STRADB: variants seen among roughly 807,000 people sequenced by gnomAD.
The protein encoded by STRADB is STE20-related kinase adapter protein beta.
In STRADB, 34 loss-of-function variants were observed where a neutral mutation model predicts 52.1. The observed-to-expected ratio is 0.65, with a 90% CI of 0.50 to 0.87. The LOEUF (loss-of-function observed/expected upper bound fraction) is 0.87, where lower values mean the gene tolerates loss of function less well. Ranked by LOEUF, STRADB falls within the 40% of genes least tolerant of loss-of-function variation. The pLI is 0.00. For synonymous variants in STRADB, 133 were observed against 174.5 expected (o/e 0.76, Z 1.87); for missense variants, 340 against 483.9 (o/e 0.70, Z 2.79).
At chr2:201,459,276 A>G (rs1952176055) in intron 3 of STRADB, among the ~76,000 whole-genome samples, 1 of 152,166 alleles carries the variant, frequency 6.6e-6, no homozygotes, top group African/African-American at 2.4e-5. Context: ...CCTGGCATCA[A>G]GCAGAACTGA....
chr2:201,471,693 TGTA>T (rs1952391880), intron 4 of STRADB, among the ~76,000 whole-genome samples: 1 of 152,190 alleles, frequency 6.6e-6, no homozygotes, highest in African/African-American at 2.4e-5. Context: ...GTCAGGAAGA[TGTA>T]GTAGATCAGC....
intron 6 of STRADB, among the ~76,000 whole-genome samples, 167 bp from the exon 7 acceptor site, chr2:201,475,452 T>C (rs1952457409): frequency 6.6e-6 from 1 of 152,228 alleles, no homozygotes; most frequent in South Asian, 2.1e-4. Flanking sequence ...AAAAATTGTT[T>C]AAAGATTCTT....
chr2:201,472,468 G>A (rs551845013), intron 4 of STRADB, among the ~76,000 whole-genome samples: 1 of 152,332 alleles, frequency 6.6e-6, no homozygotes, highest in South Asian at 2.1e-4. Context: ...ATGAGTCTCA[G>A]AAGCATATGC....
At chr2:201,479,124 T>G (rs1574297282) in intron 10 of STRADB, 2 of 190,392 alleles carry the variant, frequency 1.1e-5, no homozygotes, top group East Asian at 3.3e-4. Context: ...AGCTGTATCA[T>G]TTTCTAACTG....
intron 2 of STRADB, 89 bp downstream of exon 2, chr2:201,454,941 G>T: frequency 8.4e-7 from 1 of 1,188,220 alleles, no homozygotes; most frequent in South Asian, 1.5e-5. Flanking sequence ...TATTCTGATG[G>T]GATATTCTTA....
chr2:201,468,685 A>G (rs1410204951), intron 3 of STRADB, among the ~76,000 whole-genome samples: 1 of 152,226 alleles, frequency 6.6e-6, no homozygotes, highest in South Asian at 2.1e-4. Flanking sequence ...TCCATCACCC[A>G]GTAACATTAT....
chr2:201,463,100 G>A (rs1271321641), intron 3 of STRADB, among the ~76,000 whole-genome samples: 1 of 152,174 alleles, frequency 6.6e-6, no homozygotes, highest in East Asian at 1.9e-4. Context: ...CACTTTGGGA[G>A]GCCAGGGTGG....
rs373665653 is a variant in STRADB, at chr2:201,461,942, C to A, written c.93+3078C>A. Among the ~76,000 whole-genome samples the A allele has an allele frequency of 2.6e-5, 4 of 152,284 alleles. No individual in the cohort carries two copies. In the East Asian group the frequency reaches 5.8e-4, roughly 22 times the overall value. On this transcript the variant is annotated intron_variant, in intron 3 of 11. Coordinates refer to ENST00000194530, the MANE Select transcript of STRADB (RefSeq NM_018571.6). Reference sequence around the variant, plus strand: ...AGCACCACTTATTGAAGAGACTATCCTTTCCCCAGTGTATGTTCTTGGCTT... The same window carrying A: ...AGCACCACTTATTGAAGAGACTATCATTTCCCCAGTGTATGTTCTTGGCTT...
At chr2:201,476,358 CTT>C (rs199596100) in intron 7 of STRADB, among the ~76,000 whole-genome samples, 13 of 131,576 alleles carry the variant, frequency 9.9e-5, no homozygotes, top group South Asian at 2.4e-4. Flanking sequence ...TTTTGTCTTA[CTT>C]TTTTTTTTTT....
At chr2:201,459,656 A>T (rs1199503810) in intron 3 of STRADB, among the ~76,000 whole-genome samples, 1 of 152,134 alleles carries the variant, frequency 6.6e-6, no homozygotes, top group Non-Finnish European at 1.5e-5. Flanking sequence ...GCTCCTAGAC[A>T]CACACATAGT....
At chr2:201,463,124 T>G (rs2125675163) in intron 3 of STRADB, among the ~76,000 whole-genome samples, 1 of 152,238 alleles carries the variant, frequency 6.6e-6, no homozygotes, top group Middle Eastern at 3.4e-3. Flanking sequence ...GATCACAAGG[T>G]CAGGAGATTG....
chr2:201,459,573 A>C (rs1447027392), intron 3 of STRADB, among the ~76,000 whole-genome samples: 1 of 152,180 alleles, frequency 6.6e-6, no homozygotes, highest in African/African-American at 2.4e-5. Context: ...CCCCTACTTC[A>C]CATGAGCACT....
At position 201,480,593 on chromosome 2, in the gene STRADB, C is replaced by T. The variant is rs919514892; in HGVS notation, c.*418C>T. 1.8e-4 allele frequency: 178 copies of T among 995,748 alleles called. No homozygotes were observed. The highest frequency in any genetic ancestry group is 1.1e-3 in the Admixed American group (19 of 18,034). 61.7% of individuals were successfully genotyped at this position (995,748 alleles called of 1,614,324 possible). Reference sequence around the variant, plus strand: ...AATGAGCTATTGTTAAACCAACAGGCTAGTTTATCTTACATCAGACCCTTT... The same window carrying T: ...AATGAGCTATTGTTAAACCAACAGGTTAGTTTATCTTACATCAGACCCTTT... On this transcript the variant is annotated 3_prime_UTR_variant, in exon 12 of 12. Transcript: ENST00000194530.
chr2:201,479,548 T>C lies in STRADB; in HGVS notation c.1113+17T>C, dbSNP rs1484751358. ...TTCAAACAGGTGAGCTGATCTATCA[T>C]CCGTTGTCTCGATGTTTTTAATTAC... On this transcript the variant is annotated intron_variant, in intron 11 of 11. Coordinates refer to ENST00000194530, the MANE Select transcript of STRADB (RefSeq NM_018571.6). The C allele has an allele frequency of 2.5e-6, 4 of 1,591,858 alleles. No homozygotes were observed. The highest frequency in any genetic ancestry group is 1.9e-5 in the Admixed American group (1 of 53,334).
intron 10 of STRADB, 30 bp from the exon 11 acceptor site, chr2:201,479,456 GTTT>G: frequency 2.0e-6 from 3 of 1,491,734 alleles, no homozygotes; most frequent in Non-Finnish European, 2.7e-6. Context: ...TAATATAAAG[GTTT>G]TTTTTTTATA....
At chr2:201,478,899 C>A (rs1048520800) in intron 10 of STRADB, among the ~76,000 whole-genome samples, 1 of 151,908 alleles carries the variant, frequency 6.6e-6, no homozygotes, top group African/African-American at 2.4e-5. Flanking sequence ...CATGGTGAAA[C>A]CCCGTCTCTA....
intron 10 of STRADB, 91 bp from the exon 11 acceptor site, chr2:201,479,398 G>T (rs1952534027): frequency 9.4e-6 from 11 of 1,173,314 alleles, no homozygotes; most frequent in Non-Finnish European, 1.3e-5. Context: ...GGGTTTTATA[G>T]CACTAAACCT....
intron 2 of STRADB, 54 bp from the exon 3 acceptor site, chr2:201,458,730 C>A (rs1385436455): frequency 6.6e-7 from 1 of 1,524,652 alleles, no homozygotes; most frequent in Non-Finnish European, 9.1e-7. Flanking sequence ...ACATACCACC[C>A]CTGCTTATCC....
intron 3 of STRADB, among the ~76,000 whole-genome samples, chr2:201,467,596 A>G (rs1325866125): frequency 1.3e-5 from 2 of 152,120 alleles, no homozygotes; most frequent in Non-Finnish European, 1.5e-5. Context: ...CTTCTATATT[A>G]GTCTTTTGGC....
Sources: gnomAD v4.1 joint callset for allele counts (sites outside exome capture counted in the v4.1 genomes callset) on GRCh38, gnomAD v4.1.1 for gene constraint, MANE v1.5 for transcripts, NCBI Gene and HGNC (gene_info 2026-07-23, HGNC 2026-07-21) for gene names.